Variants in STAG1 observed in about 807,000 individuals in gnomAD.
STAG1 encodes the protein cohesin subunit SA-1.
Under a neutral mutation model 170.9 loss-of-function variants are expected in STAG1, and 26 were observed. The observed-to-expected ratio is 0.15, with a 90% CI of 0.11 to 0.21. STAG1 has a LOEUF of 0.21. Among genes scored for constraint, STAG1 ranks in the 10% least tolerant of loss-of-function variants. STAG1 has a pLI of 1.00. For missense variants in STAG1, 964 were observed against 1,509.5 expected, an observed-to-expected ratio of 0.64 and a Z score of 5.99; for synonymous variants, 514 against 497.7, an observed-to-expected ratio of 1.03 and a Z score of -0.44.
chr3:136,595,686 A>G (rs1285256091), intron 4 of STAG1, among the ~76,000 whole-genome samples: 11 of 88,574 alleles, frequency 1.2e-4, no homozygotes, highest in African/African-American at 3.7e-4. Context: ...CAATAAATAA[A>G]TAAATAAATA....
intron 1 of STAG1, among the ~76,000 whole-genome samples, chr3:136,676,994 G>T (rs556023807): frequency 6.6e-6 from 1 of 152,060 alleles, no homozygotes; most frequent in South Asian, 2.1e-4. Context: ...AATTCTTCAG[G>T]AACAGTAACA....
chr3:136,487,003 A>C (rs2090029209), intron 9 of STAG1, among the ~76,000 whole-genome samples: 1 of 13,364 alleles, frequency 7.5e-5, no homozygotes. Flanking sequence ...TTTCTTCAAA[A>C]AAAAAAAAAA....
At chr3:136,438,240 C>CTTTTTTTTTTTTTTTTT (rs371190637) in intron 15 of STAG1, among the ~76,000 whole-genome samples, 2 of 128,206 alleles carry the variant, frequency 1.6e-5, no homozygotes, top group East Asian at 2.3e-4. Context: ...AGTTTCTTTT[C>CTTTTTTTTTTTTTTTTT]TTTTTTTTTT....
At chr3:136,453,220 A>G (rs1342416055) in intron 13 of STAG1, among the ~76,000 whole-genome samples, 2 of 152,188 alleles carry the variant, frequency 1.3e-5, no homozygotes, top group Non-Finnish European at 2.9e-5. Context: ...ATCATGTAGT[A>G]ACAAAACATC....
intron 13 of STAG1, among the ~76,000 whole-genome samples, chr3:136,463,912 TAATA>T (rs1371625800): frequency 6.9e-6 from 1 of 145,930 alleles, no homozygotes; most frequent in Non-Finnish European, 1.5e-5. Context: ...TACTTACATA[TAATA>T]TATATTTTAA....
chr3:136,742,399 GAAT>G (rs1934713500), intron 1 of STAG1, among the ~76,000 whole-genome samples: 1 of 151,914 alleles, frequency 6.6e-6, no homozygotes, highest in Non-Finnish European at 1.5e-5. Flanking sequence ...AAGTTATCTA[GAAT>G]AATCCCAAAT....
Position 136,531,211 on chromosome 3 carries a change from T to G in STAG1, c.472-9794A>C, listed in dbSNP as rs555996226. Reference sequence around the variant, plus strand: ...AATGCAAATCAAAACCACAATGAGATACCATCTCACACCAGTTAGAATGGC... The same window carrying G: ...AATGCAAATCAAAACCACAATGAGAGACCATCTCACACCAGTTAGAATGGC... On this transcript the variant is annotated intron_variant, in intron 6 of 33. Coordinates refer to ENST00000383202, the MANE Select transcript of STAG1 (RefSeq NM_005862.3). 5.8e-3 allele frequency among the ~76,000 whole-genome samples: 872 copies of G among 150,754 alleles called. 10 individuals carry two copies. The highest frequency in any genetic ancestry group is 0.02 in the African/African-American group (809 of 40,918).
chr3:136,381,411 A>T (rs998402194), intron 22 of STAG1, among the ~76,000 whole-genome samples: 4 of 152,180 alleles, frequency 2.6e-5, no homozygotes, highest in Non-Finnish European at 5.9e-5. Flanking sequence ...AGAAAACATT[A>T]AAAAAATGAA....
At chr3:136,651,376 T>TAAAAAAA (rs57372663) in intron 1 of STAG1, among the ~76,000 whole-genome samples, 1 of 121,982 alleles carries the variant, frequency 8.2e-6, no homozygotes. Context: ...ACCAAAAATT[T>TAAAAAAA]AAAAAAAAAA....
At chr3:136,537,876 C>T (rs926057495) in intron 6 of STAG1, among the ~76,000 whole-genome samples, 1 of 149,930 alleles carries the variant, frequency 6.7e-6, no homozygotes, top group Non-Finnish European at 1.5e-5. Context: ...CAACAAAAAC[C>T]TGAGCATGTG....
chr3:136,405,433 G>C (rs1414480005), intron 21 of STAG1, among the ~76,000 whole-genome samples: 1 of 151,016 alleles, frequency 6.6e-6, no homozygotes, highest in African/African-American at 2.4e-5. Flanking sequence ...GTAGAGACAG[G>C]GTTTCACCAT....
intron 3 of STAG1, among the ~76,000 whole-genome samples, chr3:136,616,315 G>C (rs16844056): frequency 0.17 from 26,137 of 151,544 alleles, 3,791 homozygotes; most frequent in African/African-American, 0.41. Context: ...ATAGATAAAG[G>C]AGACAGGACA....
chr3:136,582,881 T>C (rs1937621984), intron 4 of STAG1, among the ~76,000 whole-genome samples: 1 of 152,150 alleles, frequency 6.6e-6, no homozygotes, highest in African/African-American at 2.4e-5. Context: ...CACAAATAAC[T>C]TGAGAGATGA....
intron 1 of STAG1, among the ~76,000 whole-genome samples, chr3:136,727,824 AC>A (rs1933772523): frequency 6.6e-6 from 1 of 152,130 alleles, no homozygotes; most frequent in Non-Finnish European, 1.5e-5. Context: ...GGGAGGAAAA[AC>A]ATCTAGATTA....
rs1250469591 is a variant in STAG1, at chr3:136,337,632, C to T, written c.*622G>A. The stretch of plus-strand genomic sequence containing the variant: ...AAAATCTGGGAATTCATATCCATAT[C>T]CACAGAGGGTGTGTGGTTTTTGGCA... On this transcript the variant is annotated 3_prime_UTR_variant, in exon 34 of 34. Transcript: ENST00000383202. The T allele has an allele frequency of 6.6e-6, 1 of 152,550 alleles. No individual in the cohort carries two copies. Among genetic ancestry groups the T allele is most frequent in the Non-Finnish European group, 1.5e-5 (1 of 68,030 alleles). 9.4% of individuals were successfully genotyped at this position (152,550 alleles called of 1,614,324 possible). A position where few individuals can be genotyped will look rare whatever the true frequency, so the allele number is the denominator to read the frequency against.
intron 6 of STAG1, among the ~76,000 whole-genome samples, chr3:136,531,898 C>T (rs1168153826): frequency 8.0e-6 from 1 of 125,040 alleles, no homozygotes; most frequent in Non-Finnish European, 1.6e-5. Context: ...TACCCTAAAA[C>T]TTAAAGTATA....
chr3:136,577,563 C>G (rs1937506927), intron 4 of STAG1, among the ~76,000 whole-genome samples: 1 of 152,058 alleles, frequency 6.6e-6, no homozygotes, highest in Admixed American at 6.6e-5. Context: ...GAATACTAGC[C>G]TTCTTAAGCT....
At chr3:136,352,609 C>T (rs1936476260) in intron 28 of STAG1, among the ~76,000 whole-genome samples, 1 of 152,114 alleles carries the variant, frequency 6.6e-6, no homozygotes, top group African/African-American at 2.4e-5. Context: ...ACTTACAATG[C>T]TTTGACTTAT....
intron 1 of STAG1, among the ~76,000 whole-genome samples, chr3:136,702,119 G>GAC (rs1367200236): frequency 1.3e-4 from 9 of 68,214 alleles, no homozygotes; most frequent in Non-Finnish European, 2.6e-4. Context: ...GAGAGAGAGA[G>GAC]AGACAGAGAG....
Sources: gnomAD v4.1 joint callset for allele counts (sites outside exome capture counted in the v4.1 genomes callset) on GRCh38, gnomAD v4.1.1 for gene constraint, MANE v1.5 for transcripts, NCBI Gene and HGNC (gene_info 2026-07-23, HGNC 2026-07-21) for gene names.